The following GAB1 variants were observed in gnomAD, a reference collection of about 807,000 sequenced individuals.
GAB1 encodes the protein GRB2-associated-binding protein 1.
GAB1 carries 19 observed loss-of-function variants against 66.5 expected under a neutral mutation model. The observed-to-expected ratio is 0.29, with a 90% CI of 0.20 to 0.42. GAB1 has a LOEUF of 0.42. Ranked by LOEUF, GAB1 falls within the 10% of genes least tolerant of loss-of-function variation. The pLI is 1.00. For missense variants in GAB1, 732 were observed against 858.5 expected (o/e 0.85, Z 1.84); for synonymous variants, 294 against 301.4 (o/e 0.98, Z 0.25).
chr4:143,464,583 A>C (rs1735682116), intron 8 of GAB1, among the ~76,000 whole-genome samples: 1 of 152,132 alleles, frequency 6.6e-6, no homozygotes, highest in African/African-American at 2.4e-5. Context: ...ATTTGGTTTA[A>C]AAAATCTGTT....
At chr4:143,426,539 C>T (rs1487566900) in intron 2 of GAB1, among the ~76,000 whole-genome samples, 4 of 152,040 alleles carry the variant, frequency 2.6e-5, no homozygotes, top group African/African-American at 9.7e-5. Context: ...GAGACCTTGT[C>T]TCAAAAAATA....
intron 1 of GAB1, among the ~76,000 whole-genome samples, chr4:143,413,260 A>G (rs1396764927): frequency 6.6e-6 from 1 of 152,188 alleles, no homozygotes; most frequent in Non-Finnish European, 1.5e-5. Flanking sequence ...AGAGGGAAGT[A>G]TCCATAGAGG....
At chr4:143,388,733 G>C (rs1401096920) in intron 1 of GAB1, among the ~76,000 whole-genome samples, 1 of 151,974 alleles carries the variant, frequency 6.6e-6, no homozygotes, top group Admixed American at 6.6e-5. Flanking sequence ...TAATAATTGT[G>C]TTGAAAATAA....
Position 143,358,535 on chromosome 4 carries a change from G to A in GAB1, c.72+21275G>A, listed in dbSNP as rs974912179. On this transcript the variant is annotated intron_variant, in intron 1 of 9. Coordinates refer to ENST00000262994, the MANE Select transcript of GAB1 (RefSeq NM_002039.4). The stretch of plus-strand genomic sequence containing the variant: ...TATGCGTTCAACATCTCTGAAGGTG[G>A]TGAATATAAAATCTGTTTTTCAAAC... Among the ~76,000 whole-genome samples, 2 of 152,158 alleles carry A rather than the reference G, an allele frequency of 1.3e-5. 1 individual carries two copies. Among genetic ancestry groups the A allele is most frequent in the African/African-American group, 4.8e-5 (2 of 41,424 alleles).
chr4:143,445,894 T>TTAGCTGGAGAGCTAATGAA (rs1734490148), intron 6 of GAB1, among the ~76,000 whole-genome samples: 1 of 152,162 alleles, frequency 6.6e-6, no homozygotes, highest in Admixed American at 6.5e-5. Context: ...CTGCACCCAT[T>TTAGCTGGAGAGCTAATGAA]AACTCGTCAT....
At chr4:143,369,895 T>A (rs1435703285) in intron 1 of GAB1, among the ~76,000 whole-genome samples, 1 of 152,252 alleles carries the variant, frequency 6.6e-6, no homozygotes, top group East Asian at 1.9e-4. Flanking sequence ...GGCCTAGTGT[T>A]ATTTCCATAG....
chr4:143,394,810 T>C (rs544996637), intron 1 of GAB1: 2 of 152,328 alleles, frequency 1.3e-5, no homozygotes, highest in East Asian at 1.9e-4. Flanking sequence ...CCTTCTTTTG[T>C]ACTCAGGTTG....
At chr4:143,351,431 C>T (rs1729216846) in intron 1 of GAB1, among the ~76,000 whole-genome samples, 1 of 152,172 alleles carries the variant, frequency 6.6e-6, no homozygotes, top group African/African-American at 2.4e-5. Flanking sequence ...TGCTCTTCCG[C>T]GGTGTCTTCT....
chr4:143,465,995 G>T, intron 8 of GAB1, 108 bp from the exon 9 acceptor site: 2 of 1,207,086 alleles, frequency 1.7e-6, no homozygotes, highest in South Asian at 1.6e-5. Flanking sequence ...AACTTTTTAA[G>T]CTATGTCCTC....
At position 143,474,292 on chromosome 4, in the gene GAB1, C is replaced by T. The variant is rs1736186471; in HGVS notation, c.*5103C>T. On this transcript the variant is annotated 3_prime_UTR_variant, in exon 10 of 10. Coordinates refer to ENST00000262994, the MANE Select transcript of GAB1 (RefSeq NM_002039.4). Reference sequence around the variant, plus strand: ...TGGTGATTAACACTTAATGCGTCTCCTCTGATTTTGTGTTCCATGAGGTGC... The same window carrying T: ...TGGTGATTAACACTTAATGCGTCTCTTCTGATTTTGTGTTCCATGAGGTGC... 1 of 152,064 alleles carries T rather than the reference C, an allele frequency of 6.6e-6. No homozygotes were observed. The highest frequency in any genetic ancestry group is 2.1e-4 in the South Asian group (1 of 4,818). The allele number at this position is 152,064 out of a possible 1,614,324, so 9.4% of individuals were successfully genotyped here. A position where few individuals can be genotyped will look rare whatever the true frequency, so the allele number is the denominator to read the frequency against.
intron 1 of GAB1, among the ~76,000 whole-genome samples, chr4:143,367,127 A>T (rs1420428970): frequency 6.6e-5 from 10 of 152,220 alleles, no homozygotes; most frequent in African/African-American, 2.4e-4. Flanking sequence ...GGTATCAGAA[A>T]TAGCCTTGCA....
intron 6 of GAB1, among the ~76,000 whole-genome samples, chr4:143,454,995 T>A (rs944076608): frequency 6.6e-6 from 1 of 152,090 alleles, no homozygotes; most frequent in Non-Finnish European, 1.5e-5. Flanking sequence ...TAAAAGACCC[T>A]CCATGTAATT....
intron 2 of GAB1, among the ~76,000 whole-genome samples, 166 bp from the exon 3 acceptor site, chr4:143,433,325 A>C (rs534240430): frequency 1.3e-5 from 2 of 152,346 alleles, no homozygotes; most frequent in South Asian, 4.1e-4. Flanking sequence ...GAATAAAAAA[A>C]TACTTCCTGT....
intron 1 of GAB1, among the ~76,000 whole-genome samples, chr4:143,337,608 T>C (rs186083583): frequency 2.0e-5 from 3 of 152,324 alleles, no homozygotes; most frequent in African/African-American, 4.8e-5. Flanking sequence ...GCCTTCTTCC[T>C]GCTTTATTCC....
chr4:143,417,857 T>A (rs985355616), intron 2 of GAB1, among the ~76,000 whole-genome samples: 1 of 152,254 alleles, frequency 6.6e-6, no homozygotes, highest in African/African-American at 2.4e-5. Context: ...TCTTTGACCT[T>A]CTTGTCTTTG....
intron 1 of GAB1, among the ~76,000 whole-genome samples, chr4:143,344,071 A>C (rs1013151901): frequency 6.6e-6 from 1 of 152,198 alleles, no homozygotes; most frequent in Non-Finnish European, 1.5e-5. Context: ...TGTCTGTTTT[A>C]AGCTAAGTAA....
At chr4:143,396,217 T>C (rs1731446058) in intron 1 of GAB1, among the ~76,000 whole-genome samples, 1 of 152,208 alleles carries the variant, frequency 6.6e-6, no homozygotes, top group Admixed American at 6.5e-5. Context: ...CTAGCCCTAC[T>C]TGGGACCTTA....
intron 1 of GAB1, among the ~76,000 whole-genome samples, chr4:143,382,807 G>A (rs1322236597): frequency 6.6e-6 from 1 of 152,070 alleles, no homozygotes; most frequent in African/African-American, 2.4e-5. Flanking sequence ...TAAATACGTG[G>A]CCTCAGACCC....
At chr4:143,397,998 ATCT>A (rs1410650111) in intron 1 of GAB1, among the ~76,000 whole-genome samples, 3 of 152,232 alleles carry the variant, frequency 2.0e-5, no homozygotes, top group African/African-American at 7.2e-5. Flanking sequence ...CATGCCTCCC[ATCT>A]TCCGTAGCAT....
Sources: gnomAD v4.1 joint callset for allele counts (sites outside exome capture counted in the v4.1 genomes callset) on GRCh38, gnomAD v4.1.1 for gene constraint, MANE v1.5 for transcripts, NCBI Gene and HGNC (gene_info 2026-07-23, HGNC 2026-07-21) for gene names.